LRP1B: variants seen among roughly 807,000 people sequenced by gnomAD.
LRP1B encodes the protein low-density lipoprotein receptor-related protein 1B.
A neutral mutation model predicts 556.6 loss-of-function variants in LRP1B; 217 were observed. That is an observed-to-expected ratio of 0.39 (90% CI 0.35 to 0.44). The LOEUF is 0.44. LRP1B is among the 20% of genes least tolerant of loss of function. The pLI is 1.00. For missense variants in LRP1B, 5,053 were observed against 5,620.8 expected, an observed-to-expected ratio of 0.90 and a Z score of 3.23; for synonymous variants, 2,047 against 1,865.8, an observed-to-expected ratio of 1.10 and a Z score of -2.50.
intron 84 of LRP1B, among the ~76,000 whole-genome samples, chr2:140,294,773 T>C (rs1683531742): frequency 6.6e-6 from 1 of 151,976 alleles, no homozygotes. Flanking sequence ...CACACGTGAG[T>C]TAGTGGGTGG....
intron 1 of LRP1B, among the ~76,000 whole-genome samples, chr2:142,119,789 CT>C (rs1379427263): frequency 6.6e-6 from 1 of 151,972 alleles, no homozygotes; most frequent in Non-Finnish European, 1.5e-5. Context: ...TCAACAAGGA[CT>C]AAATAGACCC....
chr2:141,504,049 T>C (rs1683825577), intron 2 of LRP1B, among the ~76,000 whole-genome samples: 1 of 152,158 alleles, frequency 6.6e-6, no homozygotes, highest in Admixed American at 6.5e-5. Flanking sequence ...CCAAATACTA[T>C]CTAATACATT....
chr2:142,105,289 T>G (rs1439410481), intron 1 of LRP1B, among the ~76,000 whole-genome samples: 2 of 152,198 alleles, frequency 1.3e-5, no homozygotes, highest in African/African-American at 4.8e-5. Context: ...AAAAAGGTCA[T>G]TCTAATTTCA....
At chr2:141,733,046 G>A (rs1389024025) in intron 2 of LRP1B, among the ~76,000 whole-genome samples, 2 of 152,044 alleles carry the variant, frequency 1.3e-5, no homozygotes, top group African/African-American at 4.8e-5. Context: ...AGGATCAATG[G>A]TGGGGTTCTA....
intron 3 of LRP1B, among the ~76,000 whole-genome samples, chr2:141,398,046 C>G (rs1048752517): frequency 1.3e-5 from 2 of 152,180 alleles, no homozygotes; most frequent in Admixed American, 1.3e-4. Flanking sequence ...TTCATCGTAT[C>G]ACCTTTTCTT....
chr2:141,292,963 G>A (rs1490795642), intron 3 of LRP1B, among the ~76,000 whole-genome samples: 1 of 152,132 alleles, frequency 6.6e-6, no homozygotes, highest in Non-Finnish European at 1.5e-5. Flanking sequence ...AATATAAGAT[G>A]TCAATAGTAG....
At chr2:141,608,272 T>A (rs958911501) in intron 2 of LRP1B, among the ~76,000 whole-genome samples, 1 of 152,194 alleles carries the variant, frequency 6.6e-6, no homozygotes, top group Non-Finnish European at 1.5e-5. Flanking sequence ...TTCAATGCCA[T>A]ATACTGCATG....
chr2:142,088,404 A>G (rs1706027632), intron 1 of LRP1B, among the ~76,000 whole-genome samples: 1 of 152,196 alleles, frequency 6.6e-6, no homozygotes. Flanking sequence ...TAAATAGTAC[A>G]TGAGAAATTA....
chr2:141,868,590 A>G (rs1183761397), intron 1 of LRP1B, among the ~76,000 whole-genome samples: 1 of 152,184 alleles, frequency 6.6e-6, no homozygotes, highest in African/African-American at 2.4e-5. Flanking sequence ...TAAACAGAAT[A>G]GTAGTTGGGG....
At chr2:141,663,920 C>CAAAA (rs796406816) in intron 2 of LRP1B, among the ~76,000 whole-genome samples, 8 of 113,308 alleles carry the variant, frequency 7.1e-5, no homozygotes, top group African/African-American at 1.5e-4. Flanking sequence ...AGAGATACAT[C>CAAAA]AAAAAAAAAA....
In LRP1B at chr2:140,536,622, G is replaced by A. The variant is rs199938483; in HGVS notation, c.7601C>T (p.Pro2534Leu). 21 of 1,610,746 alleles carry A rather than the reference G, an allele frequency of 1.3e-5. No homozygotes were observed. The highest frequency in any genetic ancestry group is 3.4e-6 in the Non-Finnish European group (4 of 1,178,570). The change falls in exon 46 of 91, where the codon CCT (proline) becomes CTT (leucine). Residue 2534 changes from proline to leucine, a missense_variant. Physicochemically the swap from Pro to Leu is moderately conservative, Grantham distance 98. Around this residue, in one of 5 missense-constraint regions of LRP1B, gnomAD observed 3,619 missense variants for 3,931.9 expected, o/e 0.92. Transcript: ENST00000389484. ...TTCATCTGATTTATCTTTACAGTGA[G>A]GAATGCCATCACAGGTGAGCTGGTA... ...IDYQLTCDGI[P>L]HCKDKSDEKL...
intron 2 of LRP1B, among the ~76,000 whole-genome samples, chr2:141,694,206 T>G (rs1381641807): frequency 6.6e-6 from 1 of 152,024 alleles, no homozygotes; most frequent in African/African-American, 2.4e-5. Context: ...TTCTACAACT[T>G]TGATGTTCTT....
At chr2:141,962,415 C>T (rs564746795) in intron 1 of LRP1B, among the ~76,000 whole-genome samples, 90 of 151,838 alleles carry the variant, frequency 5.9e-4, no homozygotes, top group African/African-American at 2.1e-3. Flanking sequence ...TTAATTCATC[C>T]TTTCCCACCA....
intron 3 of LRP1B, among the ~76,000 whole-genome samples, chr2:141,410,592 A>G (rs1205417729): frequency 6.6e-6 from 1 of 152,038 alleles, no homozygotes; most frequent in African/African-American, 2.4e-5. Flanking sequence ...CTATATATCT[A>G]TTTCTACAAA....
At chr2:140,863,546 G>T (rs1040431640) in intron 27 of LRP1B, among the ~76,000 whole-genome samples, 3 of 152,040 alleles carry the variant, frequency 2.0e-5, no homozygotes, top group African/African-American at 7.2e-5. Flanking sequence ...TCTTTGTGGG[G>T]ATATTATTTG....
intron 7 of LRP1B, among the ~76,000 whole-genome samples, chr2:141,129,537 C>T (rs1701297012): frequency 6.7e-6 from 1 of 149,492 alleles, no homozygotes. Context: ...TAAAAGCTGG[C>T]TACCATCATT....
intron 2 of LRP1B, among the ~76,000 whole-genome samples, chr2:141,737,620 T>TA (rs774594324): frequency 5.9e-4 from 90 of 152,298 alleles, no homozygotes; most frequent in Non-Finnish European, 1.1e-3. Context: ...CCCATCATGT[T>TA]AGAGATAGGA....
chr2:141,585,984 C>A (rs1687125049), intron 2 of LRP1B, among the ~76,000 whole-genome samples: 7 of 151,818 alleles, frequency 4.6e-5, no homozygotes, highest in Admixed American at 3.9e-4. Flanking sequence ...TGCCAAGTTG[C>A]TGGGATTACA....
intron 1 of LRP1B, among the ~76,000 whole-genome samples, chr2:142,059,784 A>G (rs1325566644): frequency 2.0e-5 from 3 of 152,088 alleles, no homozygotes; most frequent in Non-Finnish European, 4.4e-5. Context: ...TTCATAATGC[A>G]TGGACAGCAT....
Sources: allele counts gnomAD v4.1 joint callset (sites outside exome capture counted in the v4.1 genomes callset), GRCh38; gene constraint gnomAD v4.1.1; regional missense constraint gnomAD v4.1.1; transcripts MANE v1.5; gene names NCBI Gene and HGNC (gene_info 2026-07-23, HGNC 2026-07-21).